Variants in SLAIN1 observed in about 807,000 individuals in gnomAD.
SLAIN1 encodes SLAIN motif-containing protein 1.
A neutral mutation model predicts 55.4 loss-of-function variants in SLAIN1; 17 were observed. The observed-to-expected ratio is 0.31, with a 90% CI of 0.21 to 0.46. The LOEUF (loss-of-function observed/expected upper bound fraction) is 0.46. Ranked by LOEUF, SLAIN1 falls within the 20% of genes least tolerant of loss-of-function variation. The probability of loss-of-function intolerance (pLI) is 1.00; values close to 1 mark genes in which losing one functional copy is unlikely to be tolerated. For missense variants in SLAIN1, 682 were observed against 785.1 expected, an observed-to-expected ratio of 0.87 and a Z score of 1.57; for synonymous variants, 348 against 337.4, an observed-to-expected ratio of 1.03 and a Z score of -0.35.
intron 2 of SLAIN1, among the ~76,000 whole-genome samples, chr13:77,731,870 A>G (rs949762591): frequency 1.3e-5 from 2 of 152,140 alleles, no homozygotes; most frequent in Non-Finnish European, 2.9e-5. Context: ...ATTTAAAGTT[A>G]TATACTAATT....
At chr13:77,744,945 C>T (rs1873712544) in intron 3 of SLAIN1, among the ~76,000 whole-genome samples, 1 of 152,030 alleles carries the variant, frequency 6.6e-6, no homozygotes, top group Admixed American at 6.6e-5. Flanking sequence ...TTGCTTGAAG[C>T]TCCAGGGAAT....
rs1299475215 is a variant in SLAIN1, at chr13:77,746,827, A to G, written c.1230A>G (p.Pro410=). The G allele has an allele frequency of 6.2e-7, 1 of 1,613,204 alleles. No individual in the cohort carries two copies. Among genetic ancestry groups the G allele is most frequent in the East Asian group, 2.2e-5 (1 of 44,870 alleles). ...QQYYSPQAQT[P]DQQPNRTNGD... is the part of the protein sequence containing the mutation. ...ATTATTCACCTCAAGCCCAAACTCC[A>G]GATCAGCAACCAAATAGGACCAATG... The change falls in exon 4 of 7, where the codon CCA becomes CCG. Residue 410 remains proline (P), a synonymous_variant. Coordinates refer to ENST00000418532, the MANE Select transcript of SLAIN1 (RefSeq NM_001242868.2).
At chr13:77,722,728 T>C (rs1011372376) in intron 2 of SLAIN1, among the ~76,000 whole-genome samples, 1 of 152,152 alleles carries the variant, frequency 6.6e-6, no homozygotes, top group Non-Finnish European at 1.5e-5. Context: ...CCATGCAATA[T>C]TTTATCATTT....
chr13:77,724,551 C>A (rs1459760123), intron 2 of SLAIN1, among the ~76,000 whole-genome samples: 1 of 152,120 alleles, frequency 6.6e-6, no homozygotes, highest in East Asian at 1.9e-4. Flanking sequence ...GGGAGGAATT[C>A]ATAGTTAATC....
chr13:77,739,180 A>G (rs1873284293), intron 2 of SLAIN1, among the ~76,000 whole-genome samples: 1 of 152,066 alleles, frequency 6.6e-6, no homozygotes, highest in African/African-American at 2.4e-5. Flanking sequence ...GTGCTTCTCC[A>G]GGTATATTTT....
intron 1 of SLAIN1, among the ~76,000 whole-genome samples, chr13:77,706,394 C>G (rs562609734): frequency 2.6e-5 from 4 of 152,142 alleles, no homozygotes. Context: ...CTTCTTCTCT[C>G]CTCTTCACTT....
chr13:77,756,392 T>C (rs2154410906), intron 5 of SLAIN1, among the ~76,000 whole-genome samples: 1 of 152,262 alleles, frequency 6.6e-6, no homozygotes, highest in Admixed American at 6.5e-5. Flanking sequence ...TGAAGTTTTG[T>C]AGCTTTCTAT....
chr13:77,761,717 G>C (rs1353495092), intron 6 of SLAIN1, among the ~76,000 whole-genome samples: 4 of 152,082 alleles, frequency 2.6e-5, no homozygotes, highest in African/African-American at 9.7e-5. Flanking sequence ...AGTTCAGTAT[G>C]GTCCAGGTAG....
In SLAIN1 at chr13:77,744,545, C is replaced by T. The variant is rs762504708; in HGVS notation, c.916+113C>T. On this transcript the variant is annotated intron_variant, in intron 3 of 6. Coordinates refer to ENST00000418532, the MANE Select transcript of SLAIN1 (RefSeq NM_001242868.2). The stretch of plus-strand genomic sequence containing the variant: ...ATGGGCAAATAATTAGATTCTTTCT[C>T]TCATACTGTCCTACTTTTTAGGTGG... 5.2e-6 allele frequency: 8 copies of T among 1,535,038 alleles called. No individual in the cohort carries two copies. In the East Asian group the frequency reaches 1.6e-4, roughly 31 times the overall value.
At chr13:77,700,078 A>G (rs1485212685) in intron 1 of SLAIN1, among the ~76,000 whole-genome samples, 1 of 152,168 alleles carries the variant, frequency 6.6e-6, no homozygotes, top group Non-Finnish European at 1.5e-5. Context: ...TGCTTAAAAT[A>G]TTTGCATTTT....
intron 2 of SLAIN1, among the ~76,000 whole-genome samples, chr13:77,734,062 G>A (rs972765208): frequency 2.6e-5 from 4 of 152,126 alleles, no homozygotes; most frequent in African/African-American, 7.2e-5. Context: ...TTAAAGTTTA[G>A]TGTAAACATT....
At chr13:77,758,339 G>A (rs1050496086) in intron 5 of SLAIN1, among the ~76,000 whole-genome samples, 4 of 151,920 alleles carry the variant, frequency 2.6e-5, no homozygotes, top group Non-Finnish European at 5.9e-5. Flanking sequence ...TCCTTTATCA[G>A]ATGCATAGTT....
chr13:77,753,414 A>T (rs555708310), intron 5 of SLAIN1, 56 bp downstream of exon 5: 6 of 985,200 alleles, frequency 6.1e-6, no homozygotes, highest in Non-Finnish European at 7.9e-6. Flanking sequence ...ATTTTTTATA[A>T]TTTTTAATTG....
At chr13:77,706,608 A>C (rs1432072021) in intron 1 of SLAIN1, among the ~76,000 whole-genome samples, 2 of 152,094 alleles carry the variant, frequency 1.3e-5, no homozygotes, top group African/African-American at 4.8e-5. Context: ...TGCTGTTGCC[A>C]TGGGAACTCT....
intron 2 of SLAIN1, among the ~76,000 whole-genome samples, chr13:77,721,465 A>G (rs944635849): frequency 3.3e-5 from 5 of 152,196 alleles, no homozygotes; most frequent in Admixed American, 2.0e-4. Flanking sequence ...GACCATTCCT[A>G]AGCCTCCTTA....
At chr13:77,722,510 CCT>C (rs919409379) in intron 2 of SLAIN1, among the ~76,000 whole-genome samples, 5 of 152,004 alleles carry the variant, frequency 3.3e-5, no homozygotes, top group African/African-American at 4.8e-5. Flanking sequence ...TTACTGTTTA[CCT>C]CTCTTTTTAA....
At chr13:77,748,693 C>G (rs892744517) in intron 4 of SLAIN1, among the ~76,000 whole-genome samples, 1 of 152,016 alleles carries the variant, frequency 6.6e-6, no homozygotes, top group African/African-American at 2.4e-5. Flanking sequence ...CTAGTTTTCA[C>G]AATACAAGAA....
At chr13:77,747,719 A>G (rs1018413553) in intron 4 of SLAIN1, among the ~76,000 whole-genome samples, 5 of 152,160 alleles carry the variant, frequency 3.3e-5, no homozygotes, top group African/African-American at 9.6e-5. Flanking sequence ...AGCAGCAGGA[A>G]CATGGAGGTT....
At chr13:77,757,011 T>C (rs1874653826) in intron 5 of SLAIN1, among the ~76,000 whole-genome samples, 1 of 152,174 alleles carries the variant, frequency 6.6e-6, no homozygotes, top group Non-Finnish European at 1.5e-5. Flanking sequence ...AAGATGTATG[T>C]ATTTTATGTA....
Sources: gnomAD v4.1 joint callset for allele counts (sites outside exome capture counted in the v4.1 genomes callset) on GRCh38, gnomAD v4.1.1 for gene constraint, MANE v1.5 for transcripts, NCBI Gene and HGNC (gene_info 2026-07-23, HGNC 2026-07-21) for gene names.